The following IFT57 variants were observed in gnomAD, a reference collection of about 807,000 sequenced individuals.
The protein encoded by IFT57 is intraflagellar transport 57, also known as intraflagellar transport protein 57 homolog.
Under a neutral mutation model 56.8 loss-of-function variants are expected in IFT57, and 59 were observed. The observed-to-expected ratio is 1.04, with a 90% CI of 0.84 to 1.29. The LOEUF (loss-of-function observed/expected upper bound fraction) is 1.29. Among genes scored for constraint, IFT57 ranks in the 50% most tolerant of loss-of-function variants. The pLI is 0.00. For synonymous variants in IFT57, 209 were observed against 186.1 expected (o/e 1.12, Z -1.00); for missense variants, 470 against 522.1 (o/e 0.90, Z 0.97).
intron 5 of IFT57, among the ~76,000 whole-genome samples, chr3:108,196,359 T>C (rs2080244543): frequency 6.6e-6 from 1 of 152,040 alleles, no homozygotes; most frequent in Non-Finnish European, 1.5e-5. Context: ...TACCACTTTC[T>C]TCAGGCCTGG....
At chr3:108,199,587 T>C (rs925851503) in intron 5 of IFT57, among the ~76,000 whole-genome samples, 3 of 152,210 alleles carry the variant, frequency 2.0e-5, no homozygotes, top group African/African-American at 7.2e-5. Context: ...ATGAATTTTG[T>C]CCTCCAGCCA....
At chr3:108,210,761 T>A (rs2080339119) in intron 4 of IFT57, among the ~76,000 whole-genome samples, 2 of 152,028 alleles carry the variant, frequency 1.3e-5, no homozygotes, top group African/African-American at 4.8e-5. Flanking sequence ...GAGGGCTCCT[T>A]AGAATAATAT....
chr3:108,167,904 T>G lies in IFT57; in HGVS notation c.778-40A>C, dbSNP rs2080071396. ...CACATAGAAATAATGTAAAAAATAC[T>G]ACATTTCCATCTTTCCCTACTTCTT... On this transcript the variant is annotated intron_variant, in intron 6 of 10. Coordinates refer to ENST00000264538, the MANE Select transcript of IFT57 (RefSeq NM_018010.4). 4.2e-6 allele frequency: 6 copies of G among 1,420,516 alleles called. No individual in the cohort carries two copies. The East Asian group carries it at 1.4e-4, about 34-fold the overall frequency. 88.0% of individuals were successfully genotyped at this position (1,420,516 alleles called of 1,614,324 possible). A position where few individuals can be genotyped will look rare whatever the true frequency, so the allele number is the denominator to read the frequency against.
At position 108,206,070 on chromosome 3, in the gene IFT57, AT is replaced by A. The variant is rs1560122698; in HGVS notation, c.654+557del. Among the ~76,000 whole-genome samples the A allele has an allele frequency of 4.4e-3, 525 of 119,256 alleles. 4 individuals are homozygous for A. Among genetic ancestry groups the A allele is most frequent in the African/African-American group, 0.015 (504 of 32,774 alleles). 78.2% of individuals were successfully genotyped at this position (119,256 alleles called of 152,430 possible). On this transcript the variant is annotated intron_variant, in intron 5 of 10. Transcript: ENST00000264538. ...TATTATATATTATTTATATATAATA[AT>A]ATATTATATATAAATAATATATATT...
At chr3:108,181,117 GGAACC>G (rs1240743945) in intron 6 of IFT57, among the ~76,000 whole-genome samples, 9 of 151,996 alleles carry the variant, frequency 5.9e-5, no homozygotes, top group African/African-American at 2.2e-4. Context: ...TGTGATAAAC[GGAACC>G]TTTCTCTGAT....
chr3:108,211,576 T>C (rs1576049564), intron 4 of IFT57, among the ~76,000 whole-genome samples: 1 of 152,362 alleles, frequency 6.6e-6, no homozygotes, highest in South Asian at 2.1e-4. Context: ...CCTTGGCCAC[T>C]GCCTGCTACA....
chr3:108,206,242 C>T (rs2080313522), intron 5 of IFT57, among the ~76,000 whole-genome samples: 1 of 150,058 alleles, frequency 6.7e-6, no homozygotes, highest in African/African-American at 2.4e-5. Context: ...CAGTCTTAAT[C>T]CATTTTATTT....
intron 5 of IFT57, among the ~76,000 whole-genome samples, chr3:108,199,528 A>G (rs955926267): frequency 1.3e-5 from 2 of 152,218 alleles, no homozygotes; most frequent in Admixed American, 6.5e-5. Context: ...TGGGGAGGAA[A>G]AAAGAGTTAA....
chr3:108,201,292 C>A (rs150232904), intron 5 of IFT57, among the ~76,000 whole-genome samples: 4 of 152,148 alleles, frequency 2.6e-5, no homozygotes, highest in Non-Finnish European at 5.9e-5. Context: ...AAATAAAGAT[C>A]TCTCTTATTT....
chr3:108,215,745 C>A (rs574227127), intron 3 of IFT57, among the ~76,000 whole-genome samples: 1 of 152,106 alleles, frequency 6.6e-6, no homozygotes, highest in East Asian at 1.9e-4. Flanking sequence ...CTATATGTAA[C>A]GTCTATCTCA....
chr3:108,186,321 CAAAA>C lies in IFT57; in HGVS notation c.777+5196_777+5199del, dbSNP rs3053401. Reference sequence around the variant, plus strand: ...ATCATGATAGAGACTGTGGCTATGCCAAAAAAAAAAAAAAATGTTGGTGGGGATA... The same window carrying C: ...ATCATGATAGAGACTGTGGCTATGCCAAAAAAAAAAATGTTGGTGGGGATA... On this transcript the variant is annotated intron_variant, in intron 6 of 10. Coordinates refer to ENST00000264538, the MANE Select transcript of IFT57 (RefSeq NM_018010.4). Among the ~76,000 whole-genome samples the C allele has an allele frequency of 6.8e-3, 948 of 140,082 alleles. 7 individuals are homozygous for C. The highest frequency in any genetic ancestry group is 0.023 in the African/African-American group (872 of 37,710). The allele number at this position is 140,082 out of a possible 152,430, so 91.9% of individuals were successfully genotyped here. A position where few individuals can be genotyped will look rare whatever the true frequency, so the allele number is the denominator to read the frequency against.
At chr3:108,179,500 C>A (rs540153476) in intron 6 of IFT57, among the ~76,000 whole-genome samples, 261 of 152,096 alleles carry the variant, frequency 1.7e-3, no homozygotes, top group Non-Finnish European at 2.8e-3. Context: ...AGAAAATCCT[C>A]CCTTCCCTAA....
intron 4 of IFT57, among the ~76,000 whole-genome samples, chr3:108,211,828 C>T (rs543524250): frequency 6.6e-6 from 1 of 152,078 alleles, no homozygotes; most frequent in East Asian, 1.9e-4. Context: ...CATAATTCTC[C>T]TACCCATAAT....
intron 6 of IFT57, among the ~76,000 whole-genome samples, chr3:108,187,087 G>A (rs531302728): frequency 1.1e-4 from 17 of 152,062 alleles, no homozygotes; most frequent in Non-Finnish European, 2.5e-4. Flanking sequence ...CCTTCATGTT[G>A]TTCAAGGGTC....
At chr3:108,209,547 A>G (rs1406844496) in intron 4 of IFT57, among the ~76,000 whole-genome samples, 1 of 152,230 alleles carries the variant, frequency 6.6e-6, no homozygotes, top group Non-Finnish European at 1.5e-5. Flanking sequence ...TTGGTTAAAC[A>G]TTATTCAGAG....
rs969465236 is a variant in IFT57, at chr3:108,216,460, C to T, written c.494+2075G>A. ...TTAGAATGGCTATTACCCAACCCCTCGCCCCCCAAAATAACAAAGGCTGCT... is the reference window on the plus strand; with the variant it reads ...TTAGAATGGCTATTACCCAACCCCTTGCCCCCCAAAATAACAAAGGCTGCT... On this transcript the variant is annotated intron_variant, in intron 3 of 10. Transcript: ENST00000264538. Among the ~76,000 whole-genome samples the T allele has an allele frequency of 1.6e-4, 24 of 152,066 alleles. 1 individual carries two copies. Among genetic ancestry groups the T allele is most frequent in the East Asian group, 3.9e-4 (2 of 5,182 alleles).
At chr3:108,173,044 A>G (rs1358761945) in intron 6 of IFT57, among the ~76,000 whole-genome samples, 5 of 151,876 alleles carry the variant, frequency 3.3e-5, no homozygotes, top group African/African-American at 9.7e-5. Context: ...ATTCTCACAG[A>G]AATAATTGGG....
At chr3:108,200,812 T>C (rs1383886270) in intron 5 of IFT57, among the ~76,000 whole-genome samples, 3 of 152,204 alleles carry the variant, frequency 2.0e-5, no homozygotes, top group Non-Finnish European at 4.4e-5. Flanking sequence ...TGCAAGCTTC[T>C]TGATAACTTA....
chr3:108,171,654 G>C (rs77927280), intron 6 of IFT57, among the ~76,000 whole-genome samples: 1 of 151,742 alleles, frequency 6.6e-6, no homozygotes, highest in Non-Finnish European at 1.5e-5. Context: ...ATCAACACTG[G>C]AATAGAGAGG....
Sources: gnomAD v4.1 joint callset for allele counts (sites outside exome capture counted in the v4.1 genomes callset) on GRCh38, gnomAD v4.1.1 for gene constraint, MANE v1.5 for transcripts, NCBI Gene and HGNC (gene_info 2026-07-23, HGNC 2026-07-21) for gene names.